The following PHF14 variants were observed in gnomAD, a reference collection of about 807,000 sequenced individuals.
PHF14 encodes PHD finger protein 14.
A neutral mutation model predicts 117.9 loss-of-function variants in PHF14; 55 were observed. The ratio of observed to expected loss-of-function variants is 0.47; its 90% CI spans 0.38 to 0.58. The LOEUF (loss-of-function observed/expected upper bound fraction) is 0.58, where lower values mean the gene tolerates loss of function less well. Ranked by LOEUF, PHF14 falls within the 20% of genes least tolerant of loss-of-function variation. The pLI, the probability that PHF14 is intolerant of heterozygous loss-of-function variation, is 0.00. For missense variants in PHF14, 978 were observed against 1,122.2 expected (o/e 0.87, Z 1.84); for synonymous variants, 409 against 368.6 (o/e 1.11, Z -1.26).
intron 16 of PHF14, among the ~76,000 whole-genome samples, chr7:11,076,629 G>A (rs1323014813): frequency 3.4e-5 from 5 of 146,690 alleles, no homozygotes; most frequent in African/African-American, 1.0e-4. Context: ...GTGCAGTGGC[G>A]TGATCTCAGC....
chr7:11,002,599 G>A (rs1196588162), intron 4 of PHF14, among the ~76,000 whole-genome samples: 3 of 151,678 alleles, frequency 2.0e-5, no homozygotes, highest in South Asian at 4.2e-4. Flanking sequence ...GCGCCACCAC[G>A]CCCAGCTAAT....
At chr7:11,008,327 C>G (rs918242171) in intron 4 of PHF14, among the ~76,000 whole-genome samples, 40 of 152,108 alleles carry the variant, frequency 2.6e-4, no homozygotes, top group African/African-American at 9.4e-4. Context: ...TACTTTACTT[C>G]TTTTGTGCTT....
At chr7:11,089,918 T>A (rs1308689827) in intron 16 of PHF14, among the ~76,000 whole-genome samples, 1 of 152,102 alleles carries the variant, frequency 6.6e-6, no homozygotes, top group Non-Finnish European at 1.5e-5. Flanking sequence ...ATTACAGGCA[T>A]GTGCCGTCAC....
At chr7:11,115,229 C>T (rs1259280485) in intron 17 of PHF14, among the ~76,000 whole-genome samples, 1 of 151,960 alleles carries the variant, frequency 6.6e-6, no homozygotes, top group Non-Finnish European at 1.5e-5. Context: ...TCTTCTCATT[C>T]TGTTATGGTT....
At chr7:11,056,309 T>C (rs2128327969) in intron 14 of PHF14, among the ~76,000 whole-genome samples, 1 of 152,296 alleles carries the variant, frequency 6.6e-6, no homozygotes, top group African/African-American at 2.4e-5. Context: ...TTTCCTTATT[T>C]TGTATATACC....
chr7:11,024,754 T>C (rs1783853259), intron 6 of PHF14, among the ~76,000 whole-genome samples: 1 of 152,216 alleles, frequency 6.6e-6, no homozygotes, highest in African/African-American at 2.4e-5. Context: ...TTACTGCTTA[T>C]CGACAGTGCA....
chr7:10,992,391 A>G (rs1782492502), intron 4 of PHF14, among the ~76,000 whole-genome samples: 1 of 149,302 alleles, frequency 6.7e-6, no homozygotes, highest in African/African-American at 2.5e-5. Context: ...GGCCGGGTGC[A>G]GTGGCTCACG....
intron 17 of PHF14, among the ~76,000 whole-genome samples, chr7:11,122,072 T>C (rs1413578106): frequency 2.0e-5 from 3 of 151,628 alleles, no homozygotes; most frequent in African/African-American, 7.3e-5. Flanking sequence ...CCATGTGTTC[T>C]CATTATTCCA....
At chr7:11,154,678 A>G (rs2128354996) in intron 17 of PHF14, among the ~76,000 whole-genome samples, 1 of 152,310 alleles carries the variant, frequency 6.6e-6, no homozygotes, top group Non-Finnish European at 1.5e-5. Flanking sequence ...CAATGACAAC[A>G]TCATGCAGAC....
intron 4 of PHF14, among the ~76,000 whole-genome samples, chr7:11,005,084 C>A (rs144720572): frequency 6.6e-6 from 1 of 151,892 alleles, no homozygotes; most frequent in Non-Finnish European, 1.5e-5. Context: ...CAACCACAGA[C>A]CTCTTAATTT....
At chr7:11,102,179 G>C (rs1787116680) in intron 16 of PHF14, among the ~76,000 whole-genome samples, 1 of 151,614 alleles carries the variant, frequency 6.6e-6, no homozygotes, top group Non-Finnish European at 1.5e-5. Context: ...ATAAATACAA[G>C]CCCTTCATCA....
intron 16 of PHF14, chr7:11,106,723 T>C (rs938266556): frequency 3.0e-6 from 3 of 984,018 alleles, no homozygotes; most frequent in Non-Finnish European, 3.6e-6. Flanking sequence ...GTAATGACAG[T>C]ATTCAAGACT....
chr7:10,993,938 G>C (rs1162123920), intron 4 of PHF14, among the ~76,000 whole-genome samples: 5 of 151,714 alleles, frequency 3.3e-5, no homozygotes, highest in Non-Finnish European at 5.9e-5. Context: ...GAACCTAGGA[G>C]GTGGAGGCTG....
chr7:11,129,111 C>T (rs1356520046), intron 17 of PHF14, among the ~76,000 whole-genome samples: 1 of 151,996 alleles, frequency 6.6e-6, no homozygotes, highest in South Asian at 2.1e-4. Context: ...TAAGATTGTT[C>T]CTGGTAGTTC....
chr7:11,148,686 A>G (rs2128353297), intron 17 of PHF14, among the ~76,000 whole-genome samples: 1 of 152,338 alleles, frequency 6.6e-6, no homozygotes, highest in African/African-American at 2.4e-5. Flanking sequence ...CTAGAACAGA[A>G]CCTGACACAT....
chr7:11,073,991 C>T (rs915315768), intron 16 of PHF14, among the ~76,000 whole-genome samples: 2 of 152,128 alleles, frequency 1.3e-5, no homozygotes, highest in Non-Finnish European at 2.9e-5. Flanking sequence ...GGAAGCAGAG[C>T]CCCAGGCATG....
Position 11,151,138 on chromosome 7 carries a change from GT to G in PHF14, c.2773-18277del, listed in dbSNP as rs1445727740. On this transcript the variant is annotated intron_variant, in intron 17 of 17. Transcript: ENST00000634607. ...AATTTTCTGAGTAATTGTTGAACAT[GT>G]ATATTATGAGAAATAGCACTTTGTA... Among the ~76,000 whole-genome samples, 65 of 152,256 alleles carry G rather than the reference GT, an allele frequency of 4.3e-4. 1 individual carries two copies. Among genetic ancestry groups the G allele is most frequent in the African/African-American group, 1.6e-3 (65 of 41,560 alleles).
chr7:11,136,738 A>G (rs181374358), intron 17 of PHF14, among the ~76,000 whole-genome samples: 444 of 152,322 alleles, frequency 2.9e-3, no homozygotes, highest in Non-Finnish European at 4.9e-3. Context: ...GTATATAAAC[A>G]TAAGATTAGA....
rs145705978 is a variant in PHF14, at chr7:11,125,985, G to A, written c.2772+14518G>A. Among the ~76,000 whole-genome samples, 259 of 152,196 alleles carry A rather than the reference G, an allele frequency of 1.7e-3. 5 individuals are homozygous for A. Among genetic ancestry groups the A allele is most frequent in the African/African-American group, 5.8e-3 (243 of 41,568 alleles). ...TTAAGAATCGCTTTGAAAAGTTCAA[G>A]CTGTATCAAAGCACTTGTCAGCAAT... On this transcript the variant is annotated intron_variant, in intron 17 of 17. Transcript: ENST00000634607.
Sources: gnomAD v4.1 joint callset for allele counts (sites outside exome capture counted in the v4.1 genomes callset) on GRCh38, gnomAD v4.1.1 for gene constraint, MANE v1.5 for transcripts, NCBI Gene and HGNC (gene_info 2026-07-23, HGNC 2026-07-21) for gene names.